PRDM5: variants seen among roughly 807,000 people sequenced by gnomAD.
PRDM5 encodes the protein PR domain zinc finger protein 5.
PRDM5 carries 56 observed loss-of-function variants against 81.2 expected under a neutral mutation model. That is an observed-to-expected ratio of 0.69 (90% CI 0.56 to 0.86). The LOEUF (loss-of-function observed/expected upper bound fraction) is 0.86. PRDM5 is among the 40% of genes least tolerant of loss of function. PRDM5 has a pLI of 0.00. For missense variants in PRDM5, 697 were observed against 770.1 expected (o/e 0.91, Z 1.12); for synonymous variants, 267 against 256.4 (o/e 1.04, Z -0.39).
At chr4:120,920,480 A>G (rs1252543729) in intron 1 of PRDM5, among the ~76,000 whole-genome samples, 3 of 152,194 alleles carry the variant, frequency 2.0e-5, no homozygotes, top group Non-Finnish European at 4.4e-5. Context: ...AAAATACCTA[A>G]GAATTGAGGG....
At chr4:120,800,785 A>G (rs933585672) in intron 8 of PRDM5, among the ~76,000 whole-genome samples, 2 of 152,234 alleles carry the variant, frequency 1.3e-5, no homozygotes, top group African/African-American at 4.8e-5. Flanking sequence ...TAATCATTTA[A>G]CTATATGTGT....
chr4:120,813,051 T>A (rs1424621574), intron 7 of PRDM5: 1 of 155,244 alleles, frequency 6.4e-6, no homozygotes, highest in Non-Finnish European at 1.4e-5. Context: ...TATATGCTTA[T>A]CAAGTTAACA....
At chr4:120,819,090 A>C (rs1038892959) in intron 4 of PRDM5, among the ~76,000 whole-genome samples, 1 of 152,254 alleles carries the variant, frequency 6.6e-6, no homozygotes, top group African/African-American at 2.4e-5. Flanking sequence ...AAATAAAATT[A>C]GACTTAGAAA....
chr4:120,912,967 A>C (rs1261589213), intron 1 of PRDM5, among the ~76,000 whole-genome samples: 1 of 152,196 alleles, frequency 6.6e-6, no homozygotes, highest in East Asian at 1.9e-4. Flanking sequence ...GACCTTCAAT[A>C]GTGTATTAAA....
At chr4:120,719,142 C>T (rs939491562) in intron 14 of PRDM5, among the ~76,000 whole-genome samples, 3 of 152,182 alleles carry the variant, frequency 2.0e-5, no homozygotes, top group African/African-American at 4.8e-5. Flanking sequence ...GAGGACTGTC[C>T]TGTGCACCCA....
chr4:120,733,464 T>C (rs1740576018), intron 14 of PRDM5, among the ~76,000 whole-genome samples: 1 of 152,190 alleles, frequency 6.6e-6, no homozygotes, highest in Admixed American at 6.5e-5. Flanking sequence ...CCAATCTTGT[T>C]CCTTTTCCTA....
chr4:120,702,453 A>AT (rs1735525695), intron 15 of PRDM5, among the ~76,000 whole-genome samples: 1 of 152,182 alleles, frequency 6.6e-6, no homozygotes, highest in Non-Finnish European at 1.5e-5. Flanking sequence ...AAATGCTCTC[A>AT]TAGCGGCCTT....
intron 8 of PRDM5, 120 bp from the exon 9 acceptor site, chr4:120,799,865 A>T (rs758332311): frequency 1.7e-5 from 25 of 1,485,452 alleles, no homozygotes; most frequent in Non-Finnish European, 2.2e-5. Flanking sequence ...TATATATTAC[A>T]ATTCAGCCCT....
At chr4:120,707,382 C>T (rs1736339171) in intron 15 of PRDM5, among the ~76,000 whole-genome samples, 1 of 151,568 alleles carries the variant, frequency 6.6e-6, no homozygotes, top group African/African-American at 2.4e-5. Context: ...CTCCAACATC[C>T]TCTCTTGATT....
intron 15 of PRDM5, among the ~76,000 whole-genome samples, chr4:120,705,859 T>C (rs1207351587): frequency 6.6e-6 from 1 of 151,802 alleles, no homozygotes; most frequent in Non-Finnish European, 1.5e-5. Context: ...AGCTGTGGAG[T>C]TATGAGAAAC....
intron 13 of PRDM5, among the ~76,000 whole-genome samples, chr4:120,767,747 C>T (rs2149199161): frequency 6.6e-6 from 1 of 152,306 alleles, no homozygotes; most frequent in Non-Finnish European, 1.5e-5. Flanking sequence ...TGTGTCCCCA[C>T]CCAAATCACA....
At chr4:120,709,473 A>G (rs539070419) in intron 15 of PRDM5, among the ~76,000 whole-genome samples, 1 of 152,302 alleles carries the variant, frequency 6.6e-6, no homozygotes, top group East Asian at 1.9e-4. Context: ...TCATGGAAGG[A>G]CAAGGAAAAC....
intron 10 of PRDM5, among the ~76,000 whole-genome samples, chr4:120,791,392 A>C (rs1042222122): frequency 6.6e-6 from 1 of 152,176 alleles, no homozygotes; most frequent in Non-Finnish European, 1.5e-5. Context: ...GTTACTTTTA[A>C]ATATACTTAT....
chr4:120,792,330 A>T (rs940179765), intron 10 of PRDM5, among the ~76,000 whole-genome samples: 10 of 152,214 alleles, frequency 6.6e-5, no homozygotes, highest in Admixed American at 2.6e-4. Context: ...GACAGGCAGG[A>T]GAAGGTAGCT....
chr4:120,710,907 G>A (rs1333239240), intron 14 of PRDM5, among the ~76,000 whole-genome samples: 1 of 152,028 alleles, frequency 6.6e-6, no homozygotes, highest in Non-Finnish European at 1.5e-5. Flanking sequence ...AACTAATACA[G>A]GTGCTATGAG....
At chr4:120,836,347 A>T (rs150098050) in intron 3 of PRDM5, among the ~76,000 whole-genome samples, 32 of 152,310 alleles carry the variant, frequency 2.1e-4, no homozygotes, top group Non-Finnish European at 4.3e-4. Context: ...TATATCTTTT[A>T]TAATATCTTT....
intron 13 of PRDM5, among the ~76,000 whole-genome samples, chr4:120,769,588 T>C (rs1354148629): frequency 6.6e-6 from 1 of 152,196 alleles, no homozygotes; most frequent in African/African-American, 2.4e-5. Flanking sequence ...GATAATAAAA[T>C]GACCCAGTGA....
intron 11 of PRDM5, among the ~76,000 whole-genome samples, chr4:120,782,726 A>G (rs955171712): frequency 6.6e-6 from 1 of 152,110 alleles, no homozygotes; most frequent in Non-Finnish European, 1.5e-5. Flanking sequence ...AAGTTGTATA[A>G]TCAGTGATAG....
intron 15 of PRDM5, among the ~76,000 whole-genome samples, chr4:120,701,606 C>T (rs979682491): frequency 6.6e-6 from 1 of 151,928 alleles, no homozygotes; most frequent in Non-Finnish European, 1.5e-5. Flanking sequence ...TGCATATTCT[C>T]TTATAAGTGG....
Sources: gnomAD v4.1 joint callset for allele counts (sites outside exome capture counted in the v4.1 genomes callset) on GRCh38, gnomAD v4.1.1 for gene constraint, MANE v1.5 for transcripts, NCBI Gene and HGNC (gene_info 2026-07-23, HGNC 2026-07-21) for gene names.